HCN1: variants seen among roughly 807,000 people sequenced by gnomAD.
HCN1 encodes potassium/sodium hyperpolarization-activated cyclic nucleotide-gated channel 1.
Under a neutral mutation model 78.9 loss-of-function variants are expected in HCN1, and 13 were observed. That is an observed-to-expected ratio of 0.16 (90% confidence interval 0.11 to 0.26). The LOEUF is 0.26. HCN1 is among the 10% of genes least tolerant of loss of function. The pLI, the probability that HCN1 is intolerant of heterozygous loss-of-function variation, is 1.00. For missense variants in HCN1, 810 were observed against 1,154.3 expected, an observed-to-expected ratio of 0.70 and a Z score of 4.32; for synonymous variants, 552 against 455.5, an observed-to-expected ratio of 1.21 and a Z score of -2.70.
At chr5:45,495,962 T>TG (rs1742017948) in intron 2 of HCN1, among the ~76,000 whole-genome samples, 1 of 152,198 alleles carries the variant, frequency 6.6e-6, no homozygotes, top group African/African-American at 2.4e-5. Flanking sequence ...CACTTGATCA[T>TG]GGTGGATAAG....
intron 2 of HCN1, among the ~76,000 whole-genome samples, chr5:45,463,052 A>G (rs955965143): frequency 6.6e-6 from 1 of 152,034 alleles, no homozygotes; most frequent in Admixed American, 6.6e-5. Context: ...AAACACAATA[A>G]CTTCAGATAT....
chr5:45,631,322 G>C (rs751401722), intron 2 of HCN1, among the ~76,000 whole-genome samples: 1 of 152,100 alleles, frequency 6.6e-6, no homozygotes, highest in Non-Finnish European at 1.5e-5. Flanking sequence ...AAAGTTATAA[G>C]AAGTGAAATA....
chr5:45,587,816 G>A (rs1208859544), intron 2 of HCN1, among the ~76,000 whole-genome samples: 1 of 152,100 alleles, frequency 6.6e-6, no homozygotes, highest in Non-Finnish European at 1.5e-5. Context: ...TTAATCCCCA[G>A]TGAAACAGAA....
chr5:45,632,737 A>T (rs1039028885), intron 2 of HCN1, among the ~76,000 whole-genome samples: 10 of 152,020 alleles, frequency 6.6e-5, no homozygotes, highest in Non-Finnish European at 1.2e-4. Context: ...GAAAGAATGC[A>T]TTGGTTTTTC....
At chr5:45,264,928 T>C (rs1744827419) in intron 7 of HCN1, among the ~76,000 whole-genome samples, 1 of 152,180 alleles carries the variant, frequency 6.6e-6, no homozygotes, top group Admixed American at 6.5e-5. Context: ...CGGTGGCTCA[T>C]GCCTGTAATT....
At chr5:45,505,032 T>G (rs184174189) in intron 2 of HCN1, among the ~76,000 whole-genome samples, 5,830 of 152,274 alleles carry the variant, frequency 0.038, 407 homozygotes, top group African/African-American at 0.13. Context: ...TGCAAAAATT[T>G]TCTCCCATTC....
intron 2 of HCN1, among the ~76,000 whole-genome samples, chr5:45,572,839 AAG>A (rs994426353): frequency 1.3e-5 from 2 of 152,180 alleles, no homozygotes; most frequent in Non-Finnish European, 2.9e-5. Flanking sequence ...AATAGGGAAA[AAG>A]AGATAAAAAA....
intron 6 of HCN1, among the ~76,000 whole-genome samples, chr5:45,274,196 T>A (rs780567763): frequency 1.3e-5 from 2 of 152,180 alleles, no homozygotes; most frequent in Non-Finnish European, 2.9e-5. Context: ...ACTAAGGGTA[T>A]AACTAGTCAT....
Position 45,281,874 on chromosome 5 carries a change from G to A in HCN1, c.1619-14621C>T, listed in dbSNP as rs185502691. Among the ~76,000 whole-genome samples, 274 of 152,028 alleles carry A rather than the reference G, an allele frequency of 1.8e-3. 3 individuals carry two copies. Among genetic ancestry groups the A allele is most frequent in the Non-Finnish European group, 2.3e-3 (158 of 67,970 alleles). ...CCCAGTGTTGGGATTACAGGTGTGAGCCACTGAGCCCTGCCAAGAGCTCTT... is the reference window on the plus strand; with the variant it reads ...CCCAGTGTTGGGATTACAGGTGTGAACCACTGAGCCCTGCCAAGAGCTCTT... On this transcript the variant is annotated intron_variant, in intron 6 of 7. Coordinates refer to ENST00000303230, the MANE Select transcript of HCN1 (RefSeq NM_021072.4).
At chr5:45,428,427 A>C (rs560969849) in intron 3 of HCN1, among the ~76,000 whole-genome samples, 3 of 151,974 alleles carry the variant, frequency 2.0e-5, no homozygotes, top group African/African-American at 7.2e-5. Context: ...CTTTTCAACT[A>C]TCTTATTGCT....
chr5:45,367,640 C>T (rs1008363774), intron 4 of HCN1, among the ~76,000 whole-genome samples: 2 of 151,898 alleles, frequency 1.3e-5, no homozygotes, highest in African/African-American at 4.8e-5. Flanking sequence ...ACTGGTTGAT[C>T]TAAATCTAAA....
In HCN1 at chr5:45,262,744, T is replaced by C. The variant is rs748122704; in HGVS notation, c.1850A>G (p.Gln617Arg). The C allele has an allele frequency of 3.7e-6, 6 of 1,614,036 alleles. No homozygotes were observed. The East Asian group carries it at 1.3e-4, about 36-fold the overall frequency. The change falls in exon 8 of 8, where the codon CAG becomes CGG. Residue 617 changes from glutamine (Q) to arginine (R), a missense_variant. Coordinates refer to ENST00000303230, the MANE Select transcript of HCN1 (RefSeq NM_021072.4). The part of the protein sequence containing the change: ...KDLNTGVFNN[Q>R]ENEILKQIVK... ...AATCTGCTTGAGGATTTCGTTCTCC[T>C]GATTGTTGAAAACACCAGTGTTCAG...
Position 45,262,041 on chromosome 5 carries a change from G to T in HCN1, c.2553C>A (p.Pro851=), listed in dbSNP as rs1469034377. ...GTGCTGGAGGGACTCCTCGGTTCGG[G>T]GGGATGGCTCCCGACGACATCTGTC... ...LFRQMSSGAI[P]PNRGVPPAPP... Residue 851 remains proline (P), a synonymous_variant, in exon 8 of 8, where the codon CCC becomes CCA. Transcript: ENST00000303230. 2.5e-6 allele frequency: 4 copies of T among 1,614,004 alleles called. No homozygotes were observed. Among genetic ancestry groups the T allele is most frequent in the Non-Finnish European group, 3.4e-6 (4 of 1,180,022 alleles).
At chr5:45,315,027 T>A (rs150855446) in intron 5 of HCN1, among the ~76,000 whole-genome samples, 9 of 152,138 alleles carry the variant, frequency 5.9e-5, no homozygotes, top group African/African-American at 1.9e-4. Flanking sequence ...TTAACCATGA[T>A]ATCCAGGAAT....
Position 45,348,779 on chromosome 5 carries a change from C to T in HCN1, c.1377+4321G>A, listed in dbSNP as rs912428839. 2.0e-5 allele frequency among the ~76,000 whole-genome samples: 3 copies of T among 152,204 alleles called. 1 individual carries two copies. The highest frequency in any genetic ancestry group is 2.1e-4 in the South Asian group (1 of 4,816). Reference sequence around the variant, plus strand: ...CAAAGATCAAAAGAGACAAAGAAGGCCATTACATAATGGTAAAGGGATCAA... The same window carrying T: ...CAAAGATCAAAAGAGACAAAGAAGGTCATTACATAATGGTAAAGGGATCAA... On this transcript the variant is annotated intron_variant, in intron 5 of 7. Transcript: ENST00000303230.
chr5:45,443,430 GTTGT>G (rs1740722813), intron 3 of HCN1, among the ~76,000 whole-genome samples: 1 of 151,982 alleles, frequency 6.6e-6, no homozygotes, highest in Non-Finnish European at 1.5e-5. Context: ...TGTTTGGTTG[GTTGT>G]TTATTTCATA....
chr5:45,498,674 T>G (rs1405770478), intron 2 of HCN1, among the ~76,000 whole-genome samples: 1 of 152,090 alleles, frequency 6.6e-6, no homozygotes, highest in Non-Finnish European at 1.5e-5. Flanking sequence ...CTTTTTAGAG[T>G]TTCCAGTTTT....
chr5:45,403,027 G>A (rs1168109975), intron 3 of HCN1, among the ~76,000 whole-genome samples: 1 of 152,002 alleles, frequency 6.6e-6, no homozygotes, highest in African/African-American at 2.4e-5. Context: ...CTGAGTAGCT[G>A]AGACTACAGG....
At chr5:45,666,560 C>A (rs1176518527) in intron 1 of HCN1, among the ~76,000 whole-genome samples, 1 of 152,022 alleles carries the variant, frequency 6.6e-6, no homozygotes, top group Non-Finnish European at 1.5e-5. Flanking sequence ...AATACATTCC[C>A]TGAATCATGT....
Sources: gnomAD v4.1 joint callset for allele counts (sites outside exome capture counted in the v4.1 genomes callset) on GRCh38, gnomAD v4.1.1 for gene constraint, MANE v1.5 for transcripts, NCBI Gene and HGNC (gene_info 2026-07-23, HGNC 2026-07-21) for gene names.